ST14: variants seen among roughly 807,000 people sequenced by gnomAD.
ST14 encodes suppressor of tumorigenicity 14 protein.
A neutral mutation model predicts 96.5 loss-of-function variants in ST14; 40 were observed. The observed-to-expected ratio is 0.41, with a 90% CI of 0.32 to 0.54. The LOEUF (loss-of-function observed/expected upper bound fraction) is 0.54, where lower values mean the gene tolerates loss of function less well. ST14 is among the 20% of genes least tolerant of loss of function. The pLI, the probability that ST14 is intolerant of heterozygous loss-of-function variation, is 0.17. For synonymous variants in ST14, 506 were observed against 492.1 expected, an observed-to-expected ratio of 1.03 and a Z score of -0.37; for missense variants, 1,066 against 1,188.9, an observed-to-expected ratio of 0.90 and a Z score of 1.52.
intron 16 of ST14, 52 bp downstream of exon 16, chr11:130,200,189 G>C: frequency 6.2e-7 from 1 of 1,602,262 alleles, no homozygotes; most frequent in Non-Finnish European, 8.5e-7. Flanking sequence ...CTTTGCATCT[G>C]GGAGTAATGC....
intron 1 of ST14, among the ~76,000 whole-genome samples, chr11:130,161,572 C>T (rs996894692): frequency 2.0e-5 from 3 of 151,844 alleles, no homozygotes; most frequent in Admixed American, 2.0e-4. Flanking sequence ...GGCTGGGGCT[C>T]ACCTTCCACT....
chr11:130,164,428 T>A (rs976964732), intron 1 of ST14, among the ~76,000 whole-genome samples: 12 of 151,712 alleles, frequency 7.9e-5, no homozygotes, highest in African/African-American at 2.4e-4. Context: ...TTACTGTTTT[T>A]TTTTTTTTTT....
chr11:130,191,247 T>A (rs1161073436), intron 7 of ST14, among the ~76,000 whole-genome samples: 1 of 149,154 alleles, frequency 6.7e-6, no homozygotes, highest in Non-Finnish European at 1.5e-5. Context: ...TGCAGGAGGA[T>A]CTCCAGCCCA....
At chr11:130,174,676 C>G (rs1048115933) in intron 1 of ST14, among the ~76,000 whole-genome samples, 1 of 152,092 alleles carries the variant, frequency 6.6e-6, no homozygotes, top group African/African-American at 2.4e-5. Flanking sequence ...TGCAAACAAA[C>G]AGACAAGCAT....
intron 11 of ST14, among the ~76,000 whole-genome samples, chr11:130,197,095 T>C (rs1231086063): frequency 6.6e-6 from 1 of 152,218 alleles, no homozygotes. Flanking sequence ...GGAAGTGCCA[T>C]TGGCTGTATG....
At chr11:130,182,735 C>T (rs533779094) in intron 1 of ST14, among the ~76,000 whole-genome samples, 16 of 150,140 alleles carry the variant, frequency 1.1e-4, no homozygotes, top group South Asian at 4.3e-4. Flanking sequence ...CTGCAATCTC[C>T]GCCTCCCAGG....
chr11:130,177,160 T>A (rs1411440525), intron 1 of ST14, among the ~76,000 whole-genome samples: 4 of 151,570 alleles, frequency 2.6e-5, no homozygotes, highest in Admixed American at 6.6e-5. Flanking sequence ...ATACAGGGAG[T>A]CTTTCTGACT....
At chr11:130,176,475 A>T (rs1240846453) in intron 1 of ST14, among the ~76,000 whole-genome samples, 2 of 147,466 alleles carry the variant, frequency 1.4e-5, no homozygotes, top group South Asian at 4.3e-4. Context: ...TGCAAGCTCC[A>T]CTTCCCGGGT....
chr11:130,190,750 GGGC>G lies in ST14; in HGVS notation c.875+57_875+59del, dbSNP rs1456331186. The G allele has an allele frequency of 1.1e-5, 16 of 1,509,848 alleles. No homozygotes were observed. The African/African-American group carries it at 2.2e-4, about 21-fold the overall frequency. The allele number at this position is 1,509,848 out of a possible 1,614,324, so 93.5% of individuals were successfully genotyped here. On this transcript the variant is annotated intron_variant, in intron 7 of 18. Coordinates refer to ENST00000278742, the MANE Select transcript of ST14 (RefSeq NM_021978.4). ...GGGAGCTTGGCGGCTGCCCTGTAGG[GGGC>G]CAGCTTCTTCAACGATTGGGATACA... is the stretch of plus-strand genomic sequence containing the variant.
In ST14 at chr11:130,198,853, G is replaced by T. The variant is rs373140260; in HGVS notation, c.1685-94G>T. ...GGGCAGGCCTGGGTGAGGGGGTAATGTGCAGGGGCCATGAGGCGCCATTGG... is the reference window on the plus strand; with the variant it reads ...GGGCAGGCCTGGGTGAGGGGGTAATTTGCAGGGGCCATGAGGCGCCATTGG... On this transcript the variant is annotated intron_variant, in intron 14 of 18. Coordinates refer to ENST00000278742, the MANE Select transcript of ST14 (RefSeq NM_021978.4). The T allele has an allele frequency of 2.7e-5, 44 of 1,607,476 alleles. No individual in the cohort carries two copies. The East Asian group carries it at 2.9e-4, about 11-fold the overall frequency.
intron 15 of ST14, among the ~76,000 whole-genome samples, chr11:130,199,363 TGTGGAGCA>T (rs1953404387): frequency 2.6e-5 from 4 of 152,156 alleles, no homozygotes; most frequent in Non-Finnish European, 4.4e-5. Context: ...TAGACACAGC[TGTGGAGCA>T]GTAGCCTGGA....
chr11:130,188,225 C>A lies in ST14; in HGVS notation c.193C>A (p.Leu65Ile). The A allele has an allele frequency of 6.2e-7, 1 of 1,614,146 alleles. No individual in the cohort carries two copies. The highest frequency in any genetic ancestry group is 1.1e-5 in the South Asian group (1 of 91,064). Residue 65 changes from leucine to isoleucine, a missense_variant, in exon 2 of 19, where the codon CTC becomes ATC. Transcript: ENST00000278742. The surrounding 1 kb of genome is among the most constrained non-coding windows in gnomAD (Gnocchi z 5.4). Reference sequence around the variant, plus strand: ...GGTGCTGGCAGCCGTGCTGATCGGCCTCCTCTTGGTCTTGCTGGGGATCGG... The same window carrying A: ...GGTGCTGGCAGCCGTGCTGATCGGCATCCTCTTGGTCTTGCTGGGGATCGG... ...WVVLAAVLIG[L>I]LLVLLGIGFL...
At chr11:130,196,823 A>G in intron 11 of ST14, 123 bp downstream of exon 11, 1 of 1,455,120 alleles carries the variant, frequency 6.9e-7, no homozygotes, top group Non-Finnish European at 9.6e-7. Flanking sequence ...AGAGCATCTC[A>G]CCCCTCCCGT....
intron 1 of ST14, among the ~76,000 whole-genome samples, chr11:130,177,399 C>T (rs1361160415): frequency 6.6e-6 from 1 of 151,760 alleles, no homozygotes; most frequent in Non-Finnish European, 1.5e-5. Context: ...CCTGTCTGTA[C>T]TAAAAATACA....
chr11:130,209,865 A>G lies in ST14; in HGVS notation c.*42A>G. The G allele has an allele frequency of 1.2e-6, 2 of 1,608,014 alleles. No homozygotes were observed. The highest frequency in any genetic ancestry group is 1.7e-6 in the Non-Finnish European group (2 of 1,179,320). On this transcript the variant is annotated 3_prime_UTR_variant, in exon 19 of 19. Coordinates refer to ENST00000278742, the MANE Select transcript of ST14 (RefSeq NM_021978.4). ...AATGTGTACACCTGCGGGGCCACCC[A>G]TCGTCCACCCCAGTGTGCACGCCTG...
chr11:130,194,877 C>T (rs61913754), intron 9 of ST14, 140 bp downstream of exon 9: 86 of 724,038 alleles, frequency 1.2e-4, no homozygotes, highest in African/African-American at 1.7e-4. Context: ...TGTGTGTGTG[C>T]GTATGTGTGT....
At chr11:130,208,260 G>A (rs1258262026) in intron 16 of ST14, 150 bp from the exon 17 acceptor site, 1 of 1,107,038 alleles carries the variant, frequency 9.0e-7, no homozygotes, top group African/African-American at 1.5e-5. Flanking sequence ...CTAGCTTAGG[G>A]TCAAGACCAA....
intron 1 of ST14, among the ~76,000 whole-genome samples, chr11:130,175,755 C>T (rs1433841035): frequency 1.3e-5 from 2 of 151,920 alleles, no homozygotes; most frequent in Non-Finnish European, 2.9e-5. Flanking sequence ...CCTCCACCCC[C>T]TGGGTTCAAG....
chr11:130,198,874 A>G, intron 14 of ST14, 73 bp from the exon 15 acceptor site: 1 of 1,610,368 alleles, frequency 6.2e-7, no homozygotes, highest in Non-Finnish European at 8.5e-7. Context: ...ATGAGGCGCC[A>G]TTGGTGGTTT....
Sources: gnomAD v4.1 joint callset for allele counts (sites outside exome capture counted in the v4.1 genomes callset) on GRCh38, gnomAD v4.1.1 for gene constraint, Gnocchi (gnomAD v3.1) non-coding constraint, MANE v1.5 for transcripts, NCBI Gene and HGNC (gene_info 2026-07-23, HGNC 2026-07-21) for gene names.